OPCML: variants seen among roughly 807,000 people sequenced by gnomAD.
The protein encoded by OPCML is opioid binding protein/cell adhesion molecule like.
Under a neutral mutation model 37.8 loss-of-function variants are expected in OPCML, and 13 were observed. That is an observed-to-expected ratio of 0.34 (90% CI 0.22 to 0.55). The LOEUF (loss-of-function observed/expected upper bound fraction) is 0.55, where lower values mean the gene tolerates loss of function less well. Ranked by LOEUF, OPCML falls within the 20% of genes least tolerant of loss-of-function variation. OPCML has a pLI of 0.91. For synonymous variants in OPCML, 176 were observed against 168.8 expected (o/e 1.04, Z -0.33); for missense variants, 341 against 435.6 (o/e 0.78, Z 1.93).
intron 1 of OPCML, among the ~76,000 whole-genome samples, chr11:133,168,331 TG>T (rs61110887): frequency 6.6e-6 from 1 of 152,026 alleles, no homozygotes; most frequent in Admixed American, 6.6e-5. Context: ...AACTGGGGCT[TG>T]GGGGGAAGAG....
At chr11:132,802,784 A>T (rs1938747146) in intron 2 of OPCML, among the ~76,000 whole-genome samples, 2 of 152,178 alleles carry the variant, frequency 1.3e-5, no homozygotes, top group African/African-American at 4.8e-5. Context: ...GGGCCATAGT[A>T]GAGCAAAAAT....
At chr11:133,474,973 C>T (rs1947206135) in intron 1 of OPCML, among the ~76,000 whole-genome samples, 1 of 152,126 alleles carries the variant, frequency 6.6e-6, no homozygotes, top group East Asian at 1.9e-4. Context: ...GCACATCCTG[C>T]CAAGCAGTGC....
At chr11:133,053,518 G>C (rs1591954695) in intron 1 of OPCML, among the ~76,000 whole-genome samples, 1 of 152,080 alleles carries the variant, frequency 6.6e-6, no homozygotes, top group African/African-American at 2.4e-5. Flanking sequence ...CCCATTTTGC[G>C]ATTGAAATTT....
intron 2 of OPCML, among the ~76,000 whole-genome samples, chr11:132,756,462 C>A (rs1591563191): frequency 6.6e-6 from 1 of 152,162 alleles, no homozygotes; most frequent in Non-Finnish European, 1.5e-5. Flanking sequence ...TTGTCAAAAT[C>A]ATCATCATCA....
chr11:133,171,379 A>G (rs1011563958), intron 1 of OPCML, among the ~76,000 whole-genome samples: 9 of 152,178 alleles, frequency 5.9e-5, no homozygotes, highest in African/African-American at 2.2e-4. Context: ...CCACAGTCTA[A>G]AAGTCCACTC....
At chr11:133,526,146 T>C (rs760755813) in intron 1 of OPCML, among the ~76,000 whole-genome samples, 9 of 152,190 alleles carry the variant, frequency 5.9e-5, no homozygotes, top group Non-Finnish European at 1.3e-4. Context: ...ACCTACTTAC[T>C]GGCTCTGGGG....
In OPCML at chr11:132,578,898, A is replaced by G. The variant is rs538672229; in HGVS notation, c.380-49712T>C. 8.3e-4 allele frequency among the ~76,000 whole-genome samples: 126 copies of G among 152,278 alleles called. 2 individuals are homozygous for G. In the South Asian group the frequency reaches 0.025, roughly 31 times the overall value. Reference sequence around the variant, plus strand: ...GTCACACTTGGGTTTTACCCTCTGGAGATCACTCTGCAGGCTTAATTTGTG... The same window carrying G: ...GTCACACTTGGGTTTTACCCTCTGGGGATCACTCTGCAGGCTTAATTTGTG... On this transcript the variant is annotated intron_variant, in intron 3 of 7. Transcript: ENST00000524381.
At chr11:133,518,651 G>GGGC (rs1948337221) in intron 1 of OPCML, among the ~76,000 whole-genome samples, 3 of 148,942 alleles carry the variant, frequency 2.0e-5, no homozygotes, top group African/African-American at 7.6e-5. Flanking sequence ...GTGTGGGGCT[G>GGGC]TGGCGTGGGC....
intron 2 of OPCML, among the ~76,000 whole-genome samples, chr11:132,909,948 A>G (rs1051041493): frequency 6.6e-6 from 1 of 152,240 alleles, no homozygotes; most frequent in Non-Finnish European, 1.5e-5. Context: ...ATAAAATGGC[A>G]TTTCAAAAAA....
intron 2 of OPCML, among the ~76,000 whole-genome samples, chr11:132,936,525 T>C (rs1408447490): frequency 6.6e-6 from 1 of 152,160 alleles, no homozygotes; most frequent in Non-Finnish European, 1.5e-5. Flanking sequence ...AGCATCGGCA[T>C]GTCCCCGCCC....
intron 1 of OPCML, among the ~76,000 whole-genome samples, chr11:133,027,683 T>C (rs1290069076): frequency 7.6e-6 from 1 of 132,344 alleles, no homozygotes; most frequent in East Asian, 2.7e-4. Context: ...CATGGGATGG[T>C]GTGTGTGGGT....
At chr11:133,104,351 G>C (rs1389575466) in intron 1 of OPCML, among the ~76,000 whole-genome samples, 3 of 152,176 alleles carry the variant, frequency 2.0e-5, no homozygotes, top group Non-Finnish European at 4.4e-5. Context: ...CAAACCTCAA[G>C]GAGTTCAGAG....
chr11:132,565,043 A>C lies in OPCML; in HGVS notation c.380-35857T>G, dbSNP rs188029952. On this transcript the variant is annotated intron_variant, in intron 3 of 7. Transcript: ENST00000524381. ...AAGAAGAGGTAAGTGAAAGGGCTTT[A>C]AGAACTGTAAAAGCCTTCTGTTATT... Among the ~76,000 whole-genome samples, 342 of 152,346 alleles carry C rather than the reference A, an allele frequency of 2.2e-3. 1 individual carries two copies. Among genetic ancestry groups the C allele is most frequent in the Non-Finnish European group, 3.6e-3 (245 of 68,036 alleles).
At chr11:132,600,702 G>A (rs769269717) in intron 3 of OPCML, among the ~76,000 whole-genome samples, 14 of 150,056 alleles carry the variant, frequency 9.3e-5, no homozygotes, top group African/African-American at 1.8e-4. Flanking sequence ...CAAACTATAA[G>A]AGTAGATAAA....
chr11:133,384,984 A>T (rs1194441847), intron 1 of OPCML, among the ~76,000 whole-genome samples: 2 of 152,214 alleles, frequency 1.3e-5, no homozygotes, highest in Admixed American at 6.5e-5. Flanking sequence ...GGTGGCCCCG[A>T]GGTCTCCGCC....
chr11:132,774,464 T>C (rs1040553643), intron 2 of OPCML, among the ~76,000 whole-genome samples: 2 of 152,170 alleles, frequency 1.3e-5, no homozygotes, highest in Non-Finnish European at 2.9e-5. Flanking sequence ...TGGGACATAG[T>C]GCTGGAAAGC....
At position 132,469,839 on chromosome 11, in the gene OPCML, CTGTA is replaced by C. The variant is rs1219539090; in HGVS notation, c.506-32484_506-32481del. Reference sequence around the variant, plus strand: ...GTGGTGTGTGTATGTGTGTGGGGGGCTGTATGTGTGTGTATGTATGTGTGGGGGT... The same window carrying C: ...GTGGTGTGTGTATGTGTGTGGGGGGCTGTGTGTGTATGTATGTGTGGGGGT... On this transcript the variant is annotated intron_variant, in intron 4 of 7. Transcript: ENST00000524381. Among the ~76,000 whole-genome samples, 49 of 42,910 alleles carry C rather than the reference CTGTA, an allele frequency of 1.1e-3. No individual in the cohort carries two copies. In the East Asian group the frequency reaches 0.046, roughly 41 times the overall value. The allele number at this position is 42,910 out of a possible 152,430, so 28.2% of individuals were successfully genotyped here.
intron 1 of OPCML, among the ~76,000 whole-genome samples, chr11:133,143,760 G>C (rs1276038884): frequency 6.6e-6 from 1 of 152,164 alleles, no homozygotes; most frequent in Non-Finnish European, 1.5e-5. Context: ...CTAGAAGCCA[G>C]GACTGCTGAG....
chr11:133,471,415 T>C (rs1947111830), intron 1 of OPCML, among the ~76,000 whole-genome samples: 1 of 152,186 alleles, frequency 6.6e-6, no homozygotes, highest in African/African-American at 2.4e-5. Context: ...TATGCTATCA[T>C]TTATGTAAGA....
Sources: gnomAD v4.1 joint callset for allele counts (sites outside exome capture counted in the v4.1 genomes callset) on GRCh38, gnomAD v4.1.1 for gene constraint, MANE v1.5 for transcripts, NCBI Gene and HGNC (gene_info 2026-07-23, HGNC 2026-07-21) for gene names.